Variants in TM9SF3 observed in about 807,000 individuals in gnomAD.
The protein encoded by TM9SF3 is SM-11044-binding protein.
TM9SF3 carries 14 observed loss-of-function variants against 78.6 expected under a neutral mutation model. The ratio of observed to expected loss-of-function variants is 0.18; its 90% CI spans 0.12 to 0.28. The LOEUF is 0.28. Among genes scored for constraint, TM9SF3 ranks in the 10% least tolerant of loss-of-function variants. The probability of loss-of-function intolerance (pLI) is 1.00; values close to 1 mark genes in which losing one functional copy is unlikely to be tolerated. For synonymous variants in TM9SF3, 231 were observed against 241.7 expected (o/e 0.96, Z 0.41); for missense variants, 496 against 721.9 (o/e 0.69, Z 3.59).
intron 2 of TM9SF3, among the ~76,000 whole-genome samples, chr10:96,567,528 G>C (rs1026681045): frequency 3.3e-5 from 5 of 151,968 alleles, no homozygotes; most frequent in Non-Finnish European, 7.4e-5. Flanking sequence ...GAACTTTTTT[G>C]CTCATGCTGT....
chr10:96,568,365 A>C (rs1274051843), intron 2 of TM9SF3, among the ~76,000 whole-genome samples: 1 of 152,264 alleles, frequency 6.6e-6, no homozygotes, highest in Non-Finnish European at 1.5e-5. Flanking sequence ...ACACACATCC[A>C]TGAATTCTGA....
At chr10:96,561,288 C>T (rs1239987883) in intron 4 of TM9SF3, among the ~76,000 whole-genome samples, 2 of 152,090 alleles carry the variant, frequency 1.3e-5, no homozygotes, top group African/African-American at 2.4e-5. Flanking sequence ...TTTTAGACTG[C>T]ATTACTTTTA....
intron 2 of TM9SF3, among the ~76,000 whole-genome samples, chr10:96,572,107 A>AT (rs1259068938): frequency 6.6e-6 from 1 of 152,220 alleles, no homozygotes; most frequent in African/African-American, 2.4e-5. Context: ...TGTAATCAAT[A>AT]AACTAACATT....
intron 8 of TM9SF3, among the ~76,000 whole-genome samples, chr10:96,547,002 C>T (rs139981781): frequency 1.3e-5 from 2 of 152,220 alleles, no homozygotes; most frequent in African/African-American, 4.8e-5. Flanking sequence ...TTCTGAATGC[C>T]ACTGCAGAAA....
At chr10:96,555,506 T>G (rs912259391) in intron 5 of TM9SF3, among the ~76,000 whole-genome samples, 2 of 152,234 alleles carry the variant, frequency 1.3e-5, no homozygotes, top group African/African-American at 2.4e-5. Flanking sequence ...TGTGTATGAT[T>G]AGGACATATG....
In TM9SF3 at chr10:96,586,844, CCCCTCCGG is replaced by C; in HGVS notation, c.-17_-10del. 1 of 1,208,438 alleles carries C rather than the reference CCCCTCCGG, an allele frequency of 8.3e-7. No individual in the cohort carries two copies. 74.9% of individuals were successfully genotyped at this position (1,208,438 alleles called of 1,614,324 possible). ...CCAGGCAGCGGCCTCATCCTCCGCGCCCCTCCGGCCCGGAGCCGGCTCACCGACTCCTC... is the reference window on the plus strand; with the variant it reads ...CCAGGCAGCGGCCTCATCCTCCGCGCCCCGGAGCCGGCTCACCGACTCCTC... On this transcript the variant is annotated 5_prime_UTR_variant, in exon 1 of 15. Coordinates refer to ENST00000371142, the MANE Select transcript of TM9SF3 (RefSeq NM_020123.4).
Position 96,585,687 on chromosome 10 carries a change from G to A in TM9SF3, c.102+1047C>T, listed in dbSNP as rs200289191. 3.3e-5 allele frequency among the ~76,000 whole-genome samples: 5 copies of A among 152,334 alleles called. No homozygotes were observed. The East Asian group carries it at 7.7e-4, about 23-fold the overall frequency. On this transcript the variant is annotated intron_variant, in intron 1 of 14. Transcript: ENST00000371142. ...ATCCATTAAATAGGTAAGGACGACTGCTTCATTTCCTCACTTACCAGAAAT... is the reference window on the plus strand; with the variant it reads ...ATCCATTAAATAGGTAAGGACGACTACTTCATTTCCTCACTTACCAGAAAT...
intron 5 of TM9SF3, among the ~76,000 whole-genome samples, chr10:96,553,264 A>G (rs1206812121): frequency 6.6e-6 from 1 of 152,222 alleles, no homozygotes; most frequent in Non-Finnish European, 1.5e-5. Flanking sequence ...AAGCACCCAT[A>G]TGTTGAAAAC....
rs1254855871 is a variant in TM9SF3, at chr10:96,533,092, A to G, written c.1284T>C (p.Cys428=). Residue 428 remains cysteine, a synonymous_variant, in exon 10 of 15, where the codon TGT becomes TGC. Transcript: ENST00000371142. ...RNLSGQPNFP[C]RVNAVPRPIP... ...TAGGACGAGGCACAGCATTGACACG[A>G]CAAGGAAAGTTGGGCTGACCTGACA... 17 of 1,614,024 alleles carry G rather than the reference A, an allele frequency of 1.1e-5. No individual in the cohort carries two copies. Among genetic ancestry groups the G allele is most frequent in the Non-Finnish European group, 1.4e-5 (17 of 1,180,028 alleles).
At chr10:96,557,958 G>C (rs182550578) in intron 5 of TM9SF3, among the ~76,000 whole-genome samples, 2 of 152,106 alleles carry the variant, frequency 1.3e-5, no homozygotes. Context: ...GTTCCTAGAG[G>C]GTATAGATCT....
chr10:96,523,725 C>A (rs1034157257), intron 14 of TM9SF3, among the ~76,000 whole-genome samples: 6 of 151,952 alleles, frequency 3.9e-5, no homozygotes, highest in Middle Eastern at 3.4e-3. Flanking sequence ...GCAATATAAT[C>A]AGCAAAATCC....
chr10:96,541,400 G>C (rs1319555903), intron 9 of TM9SF3, among the ~76,000 whole-genome samples: 2 of 151,534 alleles, frequency 1.3e-5, no homozygotes, highest in South Asian at 2.1e-4. Flanking sequence ...TTTTGAGACA[G>C]AGTCTCACTC....
chr10:96,527,570 G>T (rs535689022), intron 12 of TM9SF3, 74 bp from the exon 13 acceptor site: 14 of 1,219,184 alleles, frequency 1.1e-5, no homozygotes, highest in Admixed American at 6.7e-5. Context: ...TTAAAGCAAA[G>T]AATTTAATAA....
At chr10:96,532,476 T>TTATATATATATATATAAAGTCTTTATA (rs59557354) in intron 10 of TM9SF3, among the ~76,000 whole-genome samples, 17 of 151,626 alleles carry the variant, frequency 1.1e-4, no homozygotes, top group African/African-American at 2.9e-4. Flanking sequence ...GACAGAGACT[T>TTATATATATATATATAAAGTCTTTATA]TATATATATA....
intron 14 of TM9SF3, among the ~76,000 whole-genome samples, chr10:96,525,583 A>G (rs183321844): frequency 7.9e-5 from 12 of 152,140 alleles, no homozygotes; most frequent in Admixed American, 5.9e-4. Flanking sequence ...TAAGATTACC[A>G]TATCTTATAT....
chr10:96,531,800 G>A (rs1175939929), intron 10 of TM9SF3, among the ~76,000 whole-genome samples: 1 of 152,066 alleles, frequency 6.6e-6, no homozygotes. Context: ...ACTGGCCCTA[G>A]TGACTTAGAG....
Position 96,518,577 on chromosome 10 carries a change from T to G in TM9SF3, c.*3686A>C, listed in dbSNP as rs532281404. The G allele has an allele frequency of 6.6e-6, 1 of 152,252 alleles. No homozygotes were observed. The highest frequency in any genetic ancestry group is 1.9e-4 in the East Asian group (1 of 5,192). The allele number at this position is 152,252 out of a possible 1,614,324, so 9.4% of individuals were successfully genotyped here. A position where few individuals can be genotyped will look rare whatever the true frequency, so the allele number is the denominator to read the frequency against. The stretch of plus-strand genomic sequence containing the variant: ...ACAAGTTTATTTCCATTCCTAACAG[T>G]GGAATAATAACTTAATTTTGTTTAC... On this transcript the variant is annotated 3_prime_UTR_variant, in exon 15 of 15. Transcript: ENST00000371142.
intron 9 of TM9SF3, among the ~76,000 whole-genome samples, chr10:96,541,576 GTT>G (rs1276862738): frequency 1.3e-5 from 2 of 151,920 alleles, no homozygotes; most frequent in Admixed American, 1.3e-4. Context: ...TAGAGATAGG[GTT>G]TCACCATGTT....
chr10:96,586,934 C>G lies in TM9SF3; in HGVS notation c.-99G>C. On this transcript the variant is annotated 5_prime_UTR_variant, in exon 1 of 15. Coordinates refer to ENST00000371142, the MANE Select transcript of TM9SF3 (RefSeq NM_020123.4). ...CTCCGCCGCGGCCGATTCGCATCCACGGGGCGCGGACAGACGCACGGGGCC... is the reference window on the plus strand; with the variant it reads ...CTCCGCCGCGGCCGATTCGCATCCAGGGGGCGCGGACAGACGCACGGGGCC... 1.0e-6 allele frequency: 1 copy of G among 1,001,216 alleles called. No individual in the cohort carries two copies. Among genetic ancestry groups the G allele is most frequent in the Non-Finnish European group, 1.2e-6 (1 of 805,350 alleles). The allele number at this position is 1,001,216 out of a possible 1,614,324, so 62.0% of individuals were successfully genotyped here.
Sources: allele counts gnomAD v4.1 joint callset (sites outside exome capture counted in the v4.1 genomes callset), GRCh38; gene constraint gnomAD v4.1.1; transcripts MANE v1.5; gene names NCBI Gene and HGNC (gene_info 2026-07-23, HGNC 2026-07-21).